INPP4B: variants seen among roughly 807,000 people sequenced by gnomAD.
INPP4B encodes the protein inositol polyphosphate-4-phosphatase type II B.
INPP4B carries 55 observed loss-of-function variants against 122.5 expected under a neutral mutation model. The observed-to-expected ratio is 0.45, with a 90% CI of 0.36 to 0.56. The LOEUF (loss-of-function observed/expected upper bound fraction) is 0.56, where lower values mean the gene tolerates loss of function less well. INPP4B is among the 20% of genes least tolerant of loss of function. The pLI, the probability that INPP4B is intolerant of heterozygous loss-of-function variation, is 0.00. For synonymous variants in INPP4B, 403 were observed against 388.7 expected (o/e 1.04, Z -0.43); for missense variants, 1,000 against 1,097.7 (o/e 0.91, Z 1.26).
chr4:142,436,493 G>A (rs887523732), intron 3 of INPP4B, among the ~76,000 whole-genome samples: 2 of 152,160 alleles, frequency 1.3e-5, no homozygotes, highest in Non-Finnish European at 2.9e-5. Context: ...CTATACAGGA[G>A]CATTCCTACT....
chr4:142,240,235 T>C (rs953589337), intron 11 of INPP4B, among the ~76,000 whole-genome samples: 1 of 151,766 alleles, frequency 6.6e-6, no homozygotes, highest in African/African-American at 2.4e-5. Flanking sequence ...GGTTTCACCA[T>C]TGTTACCCAG....
chr4:142,083,820 A>G (rs1182721340), intron 24 of INPP4B, among the ~76,000 whole-genome samples: 1 of 152,074 alleles, frequency 6.6e-6, no homozygotes, highest in African/African-American at 2.4e-5. Flanking sequence ...ATTCTTAACT[A>G]TATTTATAAT....
chr4:142,159,366 C>T (rs1818881221), intron 17 of INPP4B, among the ~76,000 whole-genome samples: 1 of 151,920 alleles, frequency 6.6e-6, no homozygotes, highest in East Asian at 1.9e-4. Flanking sequence ...TCACCAACGA[C>T]AAACACTCAG....
At chr4:142,694,438 CAT>C (rs1004434547) in intron 2 of INPP4B, among the ~76,000 whole-genome samples, 7 of 149,988 alleles carry the variant, frequency 4.7e-5, no homozygotes, top group South Asian at 4.2e-4. Flanking sequence ...TTTTAGTTCA[CAT>C]GTCTTTAATA....
At chr4:142,647,366 A>C (rs1752001683) in intron 2 of INPP4B, among the ~76,000 whole-genome samples, 1 of 152,188 alleles carries the variant, frequency 6.6e-6, no homozygotes, top group Non-Finnish European at 1.5e-5. Flanking sequence ...CAAGGATTGA[A>C]ACCTGCGCAT....
chr4:142,328,770 A>G (rs1213577474), intron 7 of INPP4B, among the ~76,000 whole-genome samples: 4 of 152,232 alleles, frequency 2.6e-5, no homozygotes, highest in African/African-American at 7.2e-5. Context: ...GAAAATATTC[A>G]TAGTTAATAT....
chr4:142,455,047 A>G (rs769460014), intron 3 of INPP4B, among the ~76,000 whole-genome samples: 46 of 152,036 alleles, frequency 3.0e-4, no homozygotes, highest in Admixed American at 1.6e-3. Context: ...TTGTGAGTAC[A>G]TAGTAGGTGT....
At chr4:142,198,056 A>AT (rs1447084707) in intron 14 of INPP4B, among the ~76,000 whole-genome samples, 6 of 152,088 alleles carry the variant, frequency 3.9e-5, no homozygotes, top group Admixed American at 6.6e-5. Context: ...TAAAATAGAG[A>AT]TTTTTTGTGA....
At chr4:142,148,788 A>G (rs1812184700) in intron 17 of INPP4B, among the ~76,000 whole-genome samples, 2 of 152,202 alleles carry the variant, frequency 1.3e-5, no homozygotes, top group Admixed American at 6.5e-5. Flanking sequence ...TTCATTGGCT[A>G]AAACCAATAA....
chr4:142,406,643 T>C (rs1803437072), intron 5 of INPP4B, among the ~76,000 whole-genome samples: 1 of 152,214 alleles, frequency 6.6e-6, no homozygotes. Context: ...CAGATCCTGC[T>C]GCTTCTGTAT....
intron 1 of INPP4B, among the ~76,000 whole-genome samples, chr4:142,813,734 A>C (rs551394485): frequency 6.6e-6 from 1 of 152,306 alleles, no homozygotes; most frequent in South Asian, 2.1e-4. Context: ...AATGATTTAT[A>C]ATATATTGGG....
intron 2 of INPP4B, among the ~76,000 whole-genome samples, chr4:142,555,254 C>T (rs970484821): frequency 6.6e-6 from 1 of 152,166 alleles, no homozygotes; most frequent in Non-Finnish European, 1.5e-5. Flanking sequence ...TTCTACAGGT[C>T]ACTCGGGCAC....
chr4:142,804,056 CATAA>C (rs369611706), intron 1 of INPP4B, among the ~76,000 whole-genome samples: 14,837 of 141,536 alleles, frequency 0.1, 913 homozygotes, highest in Non-Finnish European at 0.14. Flanking sequence ...GAGACTCCAT[CATAA>C]ATAAATAAAT....
chr4:142,491,565 G>T (rs915988036), intron 2 of INPP4B, among the ~76,000 whole-genome samples: 4 of 152,198 alleles, frequency 2.6e-5, no homozygotes, highest in Non-Finnish European at 5.9e-5. Context: ...CCTGAGACAG[G>T]AGAATTGCTT....
At chr4:142,645,839 A>T (rs1751662016) in intron 2 of INPP4B, among the ~76,000 whole-genome samples, 1 of 152,234 alleles carries the variant, frequency 6.6e-6, no homozygotes, top group Non-Finnish European at 1.5e-5. Context: ...GCATTGACTC[A>T]TCTTGAGAAG....
rs148106151 is a variant in INPP4B, at chr4:142,661,459, C to T, written c.-191+64380G>A. On this transcript the variant is annotated intron_variant, in intron 2 of 25. Transcript: ENST00000262992. ...TATTAAATAGGTTCCTGATACTAAG[C>T]TCTTAAAATGGATATAAACAAGATG... Among the ~76,000 whole-genome samples the T allele has an allele frequency of 2.7e-3, 404 of 152,192 alleles. 6 individuals carry two copies. Among genetic ancestry groups the T allele is most frequent in the East Asian group, 0.018 (95 of 5,160 alleles).
intron 18 of INPP4B, among the ~76,000 whole-genome samples, chr4:142,142,478 T>C (rs1227608519): frequency 1.3e-5 from 2 of 152,078 alleles, no homozygotes; most frequent in African/African-American, 2.4e-5. Flanking sequence ...TCCAATAAAA[T>C]GAAACCAGGT....
chr4:142,286,896 C>T (rs1222925688), intron 9 of INPP4B: 1 of 152,114 alleles, frequency 6.6e-6, no homozygotes, highest in Admixed American at 6.6e-5. Flanking sequence ...TCTTTACAGA[C>T]AATTGTGATG....
At chr4:142,737,963 G>T (rs191562384) in intron 1 of INPP4B, among the ~76,000 whole-genome samples, 2 of 152,246 alleles carry the variant, frequency 1.3e-5, no homozygotes, top group Admixed American at 1.3e-4. Flanking sequence ...AAACCAACAG[G>T]TGCTGGAGAG....
Sources: allele counts gnomAD v4.1 joint callset (sites outside exome capture counted in the v4.1 genomes callset), GRCh38; gene constraint gnomAD v4.1.1; transcripts MANE v1.5; gene names NCBI Gene and HGNC (gene_info 2026-07-23, HGNC 2026-07-21).